Variants in PMVK observed in about 807,000 individuals in gnomAD.
PMVK encodes phosphomevalonate kinase.
Under a neutral mutation model 19.0 loss-of-function variants are expected in PMVK, and 10 were observed. The ratio of observed to expected loss-of-function variants is 0.53; its 90% confidence interval spans 0.32 to 0.89. The LOEUF is 0.89. Ranked by LOEUF, PMVK falls within the 40% of genes least tolerant of loss-of-function variation. The pLI is 0.03. For missense variants in PMVK, 222 were observed against 251.1 expected (o/e 0.88, Z 0.78); for synonymous variants, 108 against 101.6 (o/e 1.06, Z -0.38).
upstream of PMVK, among the ~76,000 whole-genome samples, chr1:154,939,471 G>A (rs1654595820): frequency 6.6e-6 from 1 of 151,648 alleles, no homozygotes; most frequent in Admixed American, 6.6e-5. Flanking sequence ...AGATCACGAG[G>A]TCAGGAGATC....
At chr1:154,925,340 A>T in intron 4 of PMVK, 75 bp from the exon 5 acceptor site, 10 of 1,477,946 alleles carry the variant, frequency 6.8e-6, no homozygotes, top group Non-Finnish European at 9.4e-6. Context: ...GCTAACCCCA[A>T]CTGGAGTGGG....
chr1:154,926,426 C>A lies in PMVK; in HGVS notation c.370G>T (p.Ala124Ser), dbSNP rs1654162513. ...DIQWFREAYG[A>S]VTQTVRVVAL... ...ACAACGCGGACCGTCTGCGTCACGG[C>A]CCCATAGGCCTCCCGAAACCACTGG... Residue 124 changes from alanine (A) to serine (S), a missense_variant, in exon 4 of 5, where the codon GCC (alanine) becomes TCC (serine). Physicochemically the swap from Ala to Ser is moderately conservative, Grantham distance 99. Coordinates refer to ENST00000368467, the MANE Select transcript of PMVK (RefSeq NM_006556.4). 3 of 1,613,870 alleles carry A rather than the reference C, an allele frequency of 1.9e-6. No homozygotes were observed. The highest frequency in any genetic ancestry group is 4.5e-5 in the East Asian group (2 of 44,880).
Position 154,932,358 on chromosome 1 carries a change from A to G in PMVK, c.153T>C (p.Tyr51=), listed in dbSNP as rs1321325726. 1 of 1,612,678 alleles carries G rather than the reference A, an allele frequency of 6.2e-7. No homozygotes were observed. Among genetic ancestry groups the G allele is most frequent in the Non-Finnish European group, 8.5e-7 (1 of 1,178,822 alleles). The part of the protein sequence containing the change: ...LRLSGPLKEQ[Y]AQEHGLNFQR... ...GCCACAAAGCACCACCTACCTGAGC[A>G]TACTGTTCCTTGAGTGGACCAGAGA... The change falls in exon 2 of 5, where the codon TAT becomes TAC. Residue 51 remains tyrosine, a synonymous_variant. Coordinates refer to ENST00000368467, the MANE Select transcript of PMVK (RefSeq NM_006556.4).
upstream of PMVK, among the ~76,000 whole-genome samples, chr1:154,938,646 C>T (rs1353705504): frequency 2.0e-5 from 3 of 152,172 alleles, no homozygotes; most frequent in Non-Finnish European, 4.4e-5. Flanking sequence ...TATGCCTCAA[C>T]TGAACTCCAC....
At chr1:154,933,409 G>A (rs1177711966) in intron 1 of PMVK, among the ~76,000 whole-genome samples, 1 of 151,274 alleles carries the variant, frequency 6.6e-6, no homozygotes, top group Non-Finnish European at 1.5e-5. Flanking sequence ...CTCCAGCCTG[G>A]GCAACAAGAG....
At chr1:154,936,458 C>G (rs927239016) in intron 1 of PMVK, 133 bp downstream of exon 1, 30 of 1,477,044 alleles carry the variant, frequency 2.0e-5, no homozygotes, top group Non-Finnish European at 2.4e-5. Flanking sequence ...TCCACCTTCC[C>G]CAGCCCAGTG....
At chr1:154,935,082 A>C (rs940265891) in intron 1 of PMVK, among the ~76,000 whole-genome samples, 1 of 151,332 alleles carries the variant, frequency 6.6e-6, no homozygotes, top group African/African-American at 2.4e-5. Flanking sequence ...AAAAAAAAAA[A>C]AAAACATGAG....
intron 2 of PMVK, among the ~76,000 whole-genome samples, chr1:154,930,606 T>C (rs1417036490): frequency 7.5e-6 from 1 of 133,286 alleles, no homozygotes; most frequent in African/African-American, 2.9e-5. Flanking sequence ...TTGAAAGTGC[T>C]CCTGGGAGGC....
upstream of PMVK, among the ~76,000 whole-genome samples, chr1:154,939,614 C>T (rs1049663975): frequency 1.3e-5 from 2 of 149,830 alleles, no homozygotes; most frequent in African/African-American, 4.9e-5. Flanking sequence ...AGGAGAATGG[C>T]GTGAACCCAG....
At chr1:154,932,019 G>A (rs1207602221) in intron 2 of PMVK, among the ~76,000 whole-genome samples, 1 of 152,024 alleles carries the variant, frequency 6.6e-6, no homozygotes, top group Non-Finnish European at 1.5e-5. Context: ...AAAGTTCTAG[G>A]GGCTGTGTCA....
In PMVK at chr1:154,936,696, C is replaced by T. The variant is rs1232700421; in HGVS notation, c.-11G>A. 25 of 1,594,926 alleles carry T rather than the reference C, an allele frequency of 1.6e-5. No homozygotes were observed. The highest frequency in any genetic ancestry group is 2.1e-5 in the Non-Finnish European group (24 of 1,170,698). The stretch of plus-strand genomic sequence containing the variant: ...TCCCAGCGGGGCCATGGGGCCGCCA[C>T]GCCTCGCGATGCCTGAAGCTGACAC... On this transcript the variant is annotated 5_prime_UTR_variant, in exon 1 of 5. It adds an upstream start codon to the 5' untranslated region. Coordinates refer to ENST00000368467, the MANE Select transcript of PMVK (RefSeq NM_006556.4).
At chr1:154,928,189 T>C (rs977863549) in intron 3 of PMVK, among the ~76,000 whole-genome samples, 27 of 152,118 alleles carry the variant, frequency 1.8e-4, no homozygotes, top group African/African-American at 5.8e-4. Context: ...GGAGGTGTCA[T>C]GTCAACTGAG....
At chr1:154,941,949 G>A in the PMVK span, among the ~76,000 whole-genome samples, 2 of 152,298 alleles carry the variant, frequency 1.3e-5, no homozygotes, top group Non-Finnish European at 2.9e-5. Context: ...AGCAGGTGAG[G>A]CTGAAGAATG....
Position 154,924,923 on chromosome 1 carries a change from C to T in PMVK, c.*206G>A. 2 of 597,120 alleles carry T rather than the reference C, an allele frequency of 3.3e-6. No individual in the cohort carries two copies. The highest frequency in any genetic ancestry group is 5.9e-6 in the Non-Finnish European group (2 of 336,232). The allele number at this position is 597,120 out of a possible 1,614,324, so 37.0% of individuals were successfully genotyped here. On this transcript the variant is annotated 3_prime_UTR_variant, in exon 5 of 5. Coordinates refer to ENST00000368467, the MANE Select transcript of PMVK (RefSeq NM_006556.4). ...CACCCTCCTTTGCCCTTGGAGTCTC[C>T]TCCTGAAGAGCATGGCTGTCTTCCC...
At chr1:154,925,286 G>A (rs373522168) in intron 4 of PMVK, 21 bp from the exon 5 acceptor site, 28 of 1,613,768 alleles carry the variant, frequency 1.7e-5, no homozygotes, top group African/African-American at 4.0e-5. Context: ...AGCATGGTGA[G>A]GTCAGGCCTC....
At chr1:154,929,600 A>G (rs965430988) in intron 2 of PMVK, among the ~76,000 whole-genome samples, 1 of 152,022 alleles carries the variant, frequency 6.6e-6, no homozygotes, top group African/African-American at 2.4e-5. Context: ...GTTTGCCCCC[A>G]TCCCAAATCC....
At chr1:154,929,316 A>G (rs1373367163) in intron 2 of PMVK, 140 bp from the exon 3 acceptor site, 1 of 682,726 alleles carries the variant, frequency 1.5e-6, no homozygotes, top group African/African-American at 1.8e-5. Context: ...AGCCAGGACA[A>G]AGGTCTGCAA....
At chr1:154,926,590 C>A (rs146661184) in intron 3 of PMVK, 107 bp from the exon 4 acceptor site, 13 of 880,856 alleles carry the variant, frequency 1.5e-5, no homozygotes, top group Admixed American at 9.3e-5. Flanking sequence ...CTCTACCCCC[C>A]CATCATCGTG....
intron 1 of PMVK, chr1:154,936,303 A>C (rs1363154375): frequency 1.3e-6 from 1 of 756,550 alleles, no homozygotes. Context: ...GCTGGTATCC[A>C]ACGCCTGGTA....
Sources: allele counts gnomAD v4.1 joint callset (sites outside exome capture counted in the v4.1 genomes callset), GRCh38; gene constraint gnomAD v4.1.1; transcripts MANE v1.5; gene names NCBI Gene and HGNC (gene_info 2026-07-23, HGNC 2026-07-21).